CNTNAP2: variants seen among roughly 807,000 people sequenced by gnomAD.
The protein encoded by CNTNAP2 is contactin associated protein 2, also known as contactin-associated protein-like 2.
A neutral mutation model predicts 155.2 loss-of-function variants in CNTNAP2; 98 were observed. The observed-to-expected ratio is 0.63, with a 90% CI of 0.54 to 0.75. The LOEUF (loss-of-function observed/expected upper bound fraction) is 0.75, where lower values mean the gene tolerates loss of function less well. CNTNAP2 is among the 30% of genes least tolerant of loss of function. The pLI, the probability that CNTNAP2 is intolerant of heterozygous loss-of-function variation, is 0.00. For missense variants in CNTNAP2, 1,727 were observed against 1,688.1 expected (o/e 1.02, Z -0.40); for synonymous variants, 651 against 631.2 (o/e 1.03, Z -0.47).
intron 1 of CNTNAP2, among the ~76,000 whole-genome samples, chr7:146,159,195 G>T (rs949849006): frequency 3.9e-5 from 6 of 152,172 alleles, no homozygotes; most frequent in African/African-American, 1.2e-4. Flanking sequence ...AATGCTGAGA[G>T]ACTTTGTCAC....
intron 1 of CNTNAP2, among the ~76,000 whole-genome samples, chr7:146,122,422 C>T (rs995381012): frequency 6.6e-6 from 1 of 152,298 alleles, no homozygotes; most frequent in Non-Finnish European, 1.5e-5. Flanking sequence ...ATGTTATTTC[C>T]TCTCTGTGAG....
intron 17 of CNTNAP2, among the ~76,000 whole-genome samples, chr7:148,169,819 G>T (rs376384211): frequency 6.7e-6 from 1 of 149,674 alleles, no homozygotes; most frequent in Non-Finnish European, 1.5e-5. Context: ...AATTAGCTGG[G>T]TGTGGTGGCG....
At chr7:147,725,545 C>T (rs978362400) in intron 13 of CNTNAP2, among the ~76,000 whole-genome samples, 1 of 151,992 alleles carries the variant, frequency 6.6e-6, no homozygotes, top group East Asian at 1.9e-4. Context: ...GATGAGTGTC[C>T]CCCACTCTCT....
intron 22 of CNTNAP2, among the ~76,000 whole-genome samples, chr7:148,387,496 G>T (rs1001998587): frequency 1.3e-5 from 2 of 152,156 alleles, no homozygotes; most frequent in Non-Finnish European, 2.9e-5. Context: ...TTGACTAGAG[G>T]ACATTTGGAA....
At position 147,801,947 on chromosome 7, in the gene CNTNAP2, C is replaced by G. The variant is rs1288256337; in HGVS notation, c.2099-101618C>G. ...CTCCTGGACGGGGCGGCTGGCCGGGCGGGGGGCTGACACCCCCACCTCCCT... is the reference window on the plus strand; with the variant it reads ...CTCCTGGACGGGGCGGCTGGCCGGGGGGGGGGCTGACACCCCCACCTCCCT... On this transcript the variant is annotated intron_variant, in intron 13 of 23. Transcript: ENST00000361727. 4.5e-4 allele frequency among the ~76,000 whole-genome samples: 65 copies of G among 145,000 alleles called. 2 individuals carry two copies. The South Asian group carries it at 0.013, about 28-fold the overall frequency.
At chr7:146,820,767 G>C (rs1005149968) in intron 2 of CNTNAP2, among the ~76,000 whole-genome samples, 4 of 152,146 alleles carry the variant, frequency 2.6e-5, no homozygotes, top group African/African-American at 9.7e-5. Context: ...ACAGTGGGGT[G>C]TTAAAGTCTC....
intron 9 of CNTNAP2, among the ~76,000 whole-genome samples, chr7:147,337,100 A>G (rs931130741): frequency 1.3e-5 from 2 of 152,220 alleles, no homozygotes; most frequent in African/African-American, 4.8e-5. Flanking sequence ...TCATGCACCC[A>G]CATCAGTCCA....
chr7:147,146,056 A>G (rs1563092897), intron 8 of CNTNAP2, among the ~76,000 whole-genome samples: 1 of 152,210 alleles, frequency 6.6e-6, no homozygotes, highest in Non-Finnish European at 1.5e-5. Flanking sequence ...GCTTGACATG[A>G]GGCAGCAGAT....
intron 14 of CNTNAP2, among the ~76,000 whole-genome samples, chr7:147,976,854 A>G (rs2373282): frequency 1.3e-5 from 2 of 151,542 alleles, no homozygotes; most frequent in Non-Finnish European, 2.9e-5. Context: ...TCAGGGTGGG[A>G]TTTTTCTGAT....
chr7:147,452,705 T>C (rs998600452), intron 10 of CNTNAP2, among the ~76,000 whole-genome samples: 10 of 152,206 alleles, frequency 6.6e-5, no homozygotes, highest in African/African-American at 2.4e-4. Flanking sequence ...ACCTAATATA[T>C]ATATCAGTCA....
chr7:146,222,307 C>A (rs941521321), intron 1 of CNTNAP2, among the ~76,000 whole-genome samples: 1 of 152,166 alleles, frequency 6.6e-6, no homozygotes, highest in Non-Finnish European at 1.5e-5. Flanking sequence ...CTATCAAGAA[C>A]ATAGTAATGT....
At chr7:146,960,712 G>T (rs898943974) in intron 3 of CNTNAP2, among the ~76,000 whole-genome samples, 1 of 152,130 alleles carries the variant, frequency 6.6e-6, no homozygotes, top group Admixed American at 6.5e-5. Context: ...AAGAAAACTT[G>T]CTATGATGTT....
chr7:146,128,336 C>T (rs1200867742), intron 1 of CNTNAP2, among the ~76,000 whole-genome samples: 1 of 152,268 alleles, frequency 6.6e-6, no homozygotes, highest in Middle Eastern at 3.4e-3. Flanking sequence ...TAAGGATGCT[C>T]AAGCATTTTA....
intron 1 of CNTNAP2, among the ~76,000 whole-genome samples, chr7:146,543,812 GAACTACTTAACTA>G (rs1212727022): frequency 6.6e-6 from 1 of 151,872 alleles, no homozygotes; most frequent in African/African-American, 2.4e-5. Flanking sequence ...CAGGCCTGAT[GAACTACTTAACTA>G]AACTTTCCAG....
intron 1 of CNTNAP2, among the ~76,000 whole-genome samples, chr7:146,461,244 T>TA (rs1408708524): frequency 1.3e-5 from 2 of 150,558 alleles, no homozygotes; most frequent in African/African-American, 4.9e-5. Flanking sequence ...CTACTAAAAA[T>TA]ACAAAAAAAA....
chr7:147,061,830 A>G (rs973026226), intron 4 of CNTNAP2, among the ~76,000 whole-genome samples: 4 of 152,192 alleles, frequency 2.6e-5, no homozygotes, highest in African/African-American at 9.6e-5. Context: ...GATACTAATA[A>G]CATAATTCAA....
At chr7:147,533,117 A>G (rs2116729371) in intron 11 of CNTNAP2, among the ~76,000 whole-genome samples, 1 of 152,358 alleles carries the variant, frequency 6.6e-6, no homozygotes. Flanking sequence ...AAGAGAACAC[A>G]TAGATTATAA....
intron 10 of CNTNAP2, among the ~76,000 whole-genome samples, chr7:147,413,453 A>G (rs1797136963): frequency 6.6e-6 from 1 of 152,172 alleles, no homozygotes; most frequent in African/African-American, 2.4e-5. Flanking sequence ...TCCAAAAGTT[A>G]TTTACATGGT....
chr7:146,984,460 T>C (rs1420584424), intron 3 of CNTNAP2, among the ~76,000 whole-genome samples: 1 of 152,124 alleles, frequency 6.6e-6, no homozygotes, highest in Non-Finnish European at 1.5e-5. Context: ...TATTTTTTTT[T>C]CTCTCTCCTA....
Sources: gnomAD v4.1 joint callset for allele counts (sites outside exome capture counted in the v4.1 genomes callset) on GRCh38, gnomAD v4.1.1 for gene constraint, MANE v1.5 for transcripts, NCBI Gene and HGNC (gene_info 2026-07-23, HGNC 2026-07-21) for gene names.